Variants in PBK observed in about 807,000 individuals in gnomAD.
The protein encoded by PBK is lymphokine-activated killer T-cell-originated protein kinase.
PBK carries 22 observed loss-of-function variants against 33.5 expected under a neutral mutation model. That is an observed-to-expected ratio of 0.66 (90% CI 0.47 to 0.94). The LOEUF (loss-of-function observed/expected upper bound fraction) is 0.94, where lower values mean the gene tolerates loss of function less well. Ranked by LOEUF, PBK falls within the 40% of genes least tolerant of loss-of-function variation. The probability of loss-of-function intolerance (pLI) is 0.00; values close to 1 mark genes in which losing one functional copy is unlikely to be tolerated. For missense variants in PBK, 376 were observed against 383.4 expected (o/e 0.98, Z 0.16); for synonymous variants, 129 against 123.8 (o/e 1.04, Z -0.28).
chr8:27,820,687 T>G lies in PBK; in HGVS notation c.473A>C (p.His158Pro), dbSNP rs760236167. 8 of 1,544,750 alleles carry G rather than the reference T, an allele frequency of 5.2e-6. No individual in the cohort carries two copies. The highest frequency in any genetic ancestry group is 7.1e-6 in the Non-Finnish European group (8 of 1,134,554). ...TCCATGAAGCAGTTTCTTTTCTTGG[T>G]GCAGATACTAAAATAGTAAAAAATT... ...LNMARGLKYL[H>P]QEKKLLHGDI... Residue 158 changes from histidine (H) to proline (P), a missense_variant, in exon 6 of 8, where the codon CAC (histidine) becomes CCC (proline). By Grantham distance (77) the His-to-Pro change is moderately conservative (BLOSUM62 -2). Coordinates refer to ENST00000301905, the MANE Select transcript of PBK (RefSeq NM_018492.4).
At chr8:27,837,280 C>G (rs1471435073) in intron 1 of PBK, among the ~76,000 whole-genome samples, 1 of 152,158 alleles carries the variant, frequency 6.6e-6, no homozygotes, top group Non-Finnish European at 1.5e-5. Flanking sequence ...GCCTGGGACC[C>G]TGGGACTCAA....
intron 6 of PBK, among the ~76,000 whole-genome samples, chr8:27,816,687 T>C (rs73570371): frequency 0.017 from 2,661 of 152,124 alleles, 63 homozygotes; most frequent in African/African-American, 0.054. Context: ...GAATACTATA[T>C]TTTAGTTGTG....
chr8:27,829,158 T>C (rs568801606), intron 2 of PBK, among the ~76,000 whole-genome samples: 1 of 152,314 alleles, frequency 6.6e-6, no homozygotes, highest in South Asian at 2.1e-4. Context: ...TTTGAGTGTT[T>C]GGCCAAGTAC....
intron 1 of PBK, among the ~76,000 whole-genome samples, chr8:27,836,441 A>G (rs1023145361): frequency 1.3e-5 from 2 of 151,642 alleles, no homozygotes; most frequent in Admixed American, 1.3e-4. Flanking sequence ...GTGGGTGGAT[A>G]CGGATCTAGA....
intron 6 of PBK, among the ~76,000 whole-genome samples, chr8:27,812,966 C>G (rs1805723542): frequency 6.6e-6 from 1 of 152,224 alleles, no homozygotes. Flanking sequence ...AATCCCATTA[C>G]TGGGTATACA....
chr8:27,831,543 G>GAAGAAAATAACACAAA (rs60780229), intron 2 of PBK, among the ~76,000 whole-genome samples: 1 of 109,242 alleles, frequency 9.2e-6, no homozygotes, highest in East Asian at 4.7e-4. Flanking sequence ...ATTGACATTT[G>GAAGAAAATAACACAAA]TAGAACATTG....
At chr8:27,816,363 T>TTA (rs1805813468) in intron 6 of PBK, among the ~76,000 whole-genome samples, 2 of 122,772 alleles carry the variant, frequency 1.6e-5, no homozygotes, top group South Asian at 2.6e-4. Context: ...ATATATTTAT[T>TTA]TATTTATTTA....
At chr8:27,820,470 A>T in intron 6 of PBK, 95 bp downstream of exon 6, 2 of 771,864 alleles carry the variant, frequency 2.6e-6, no homozygotes, top group Non-Finnish European at 4.3e-6. Flanking sequence ...CTTTTTAAAA[A>T]TAGTTTTTGA....
intron 4 of PBK, 38 bp downstream of exon 4, chr8:27,823,025 A>C (rs1805958621): frequency 2.1e-6 from 3 of 1,412,652 alleles, no homozygotes; most frequent in Middle Eastern, 3.8e-4. Context: ...GAATAAACAA[A>C]ATAATATACC....
At chr8:27,829,532 G>C (rs929238890) in intron 2 of PBK, among the ~76,000 whole-genome samples, 2 of 152,268 alleles carry the variant, frequency 1.3e-5, no homozygotes, top group Non-Finnish European at 1.5e-5. Context: ...AAAGTACCAG[G>C]CATGAAAGCA....
At chr8:27,820,803 A>T (rs1805910827) in intron 5 of PBK, 109 bp from the exon 6 acceptor site, 2 of 595,526 alleles carry the variant, frequency 3.4e-6, no homozygotes, top group African/African-American at 2.0e-5. Flanking sequence ...CTCTAGGTTT[A>T]CATTTGTCCA....
At chr8:27,831,546 G>GGTCAATC (rs1554562007) in intron 2 of PBK, among the ~76,000 whole-genome samples, 1 of 151,434 alleles carries the variant, frequency 6.6e-6, no homozygotes, top group East Asian at 1.9e-4. Flanking sequence ...GACATTTGTA[G>GGTCAATC]AACATTGACA....
Position 27,811,036 on chromosome 8 carries a change from CA to C in PBK, c.693del (p.Phe231LeufsTer10), listed in dbSNP as rs758009033. The C allele has an allele frequency of 6.2e-7, 1 of 1,613,016 alleles. No individual in the cohort carries two copies. On this transcript the variant is annotated frameshift_variant, in exon 7 of 8. Coordinates refer to ENST00000301905, the MANE Select transcript of PBK (RefSeq NM_018492.4). LOFTEE classifies it high-confidence loss of function. ...NGVITDKADI[F>X]AFGLTLWEMM... is the part of the protein sequence containing the mutation. ...ATTTCCCACAAAGTAAGGCCAAAGG[CA>C]AATATGTCTGCCTTGTCAGTAATAA...
intron 3 of PBK, among the ~76,000 whole-genome samples, chr8:27,826,772 G>A (rs1290914356): frequency 9.4e-6 from 1 of 106,558 alleles, no homozygotes; most frequent in Non-Finnish European, 1.8e-5. Flanking sequence ...CTCCAGCCTG[G>A]GCGACAGAGC....
chr8:27,818,027 TGTATTGGACA>T (rs1805851044), intron 6 of PBK, among the ~76,000 whole-genome samples: 1 of 152,222 alleles, frequency 6.6e-6, no homozygotes, highest in Non-Finnish European at 1.5e-5. Flanking sequence ...TCATAACTAC[TGTATTGGACA>T]GTACCACTCC....
intron 2 of PBK, among the ~76,000 whole-genome samples, chr8:27,830,763 G>T (rs915912521): frequency 2.7e-5 from 4 of 147,426 alleles, no homozygotes; most frequent in African/African-American, 1.0e-4. Flanking sequence ...TGGCAAAACA[G>T]TCCAGTTAAA....
intron 1 of PBK, among the ~76,000 whole-genome samples, chr8:27,835,181 G>A (rs1806205367): frequency 6.6e-6 from 1 of 152,024 alleles, no homozygotes; most frequent in African/African-American, 2.4e-5. Flanking sequence ...GTACTAAGGG[G>A]AAGAAAATCA....
At position 27,810,464 on chromosome 8, in the gene PBK, T is replaced by C. The variant is rs766524296; in HGVS notation, c.810A>G (p.Ala270=). The change falls in exon 8 of 8, where the codon GCA becomes GCG. Residue 270 remains alanine, a synonymous_variant. Coordinates refer to ENST00000301905, the MANE Select transcript of PBK (RefSeq NM_018492.4). The stretch of plus-strand genomic sequence containing the variant: ...GCCTAGTTCCCAACGCTGCATAGTA[T>C]GCTTCATCATCAAAATCACTTTCAT... ...TFDESDFDDE[A]YYAALGTRPP... is the part of the protein sequence containing the mutation. 2.5e-6 allele frequency: 4 copies of C among 1,605,712 alleles called. No homozygotes were observed. Among genetic ancestry groups the C allele is most frequent in the Non-Finnish European group, 3.4e-6 (4 of 1,174,840 alleles).
chr8:27,831,894 G>A (rs1179323141), intron 2 of PBK, among the ~76,000 whole-genome samples: 2 of 151,916 alleles, frequency 1.3e-5, no homozygotes, highest in Admixed American at 1.3e-4. Context: ...GAAAACTCCA[G>A]GCCCAGATAG....
Sources: allele counts gnomAD v4.1 joint callset (sites outside exome capture counted in the v4.1 genomes callset), GRCh38; gene constraint gnomAD v4.1.1; transcripts MANE v1.5; gene names NCBI Gene and HGNC (gene_info 2026-07-23, HGNC 2026-07-21).